Variants in SAMD12 observed in about 807,000 individuals in gnomAD.
The protein encoded by SAMD12 is sterile alpha motif domain containing 12.
In SAMD12, 9 loss-of-function variants were observed where a neutral mutation model predicts 15.0. The ratio of observed to expected loss-of-function variants is 0.60; its 90% CI spans 0.36 to 1.05. The LOEUF (loss-of-function observed/expected upper bound fraction) is 1.05, where lower values mean the gene tolerates loss of function less well. SAMD12 is among the 50% of genes least tolerant of loss of function. The probability of loss-of-function intolerance (pLI) is 0.01; values close to 1 mark genes in which losing one functional copy is unlikely to be tolerated. For missense variants in SAMD12, 230 were observed against 234.2 expected (o/e 0.98, Z 0.12); for synonymous variants, 86 against 90.1 (o/e 0.96, Z 0.25).
At chr8:118,336,410 T>A (rs780350462) in intron 4 of SAMD12, among the ~76,000 whole-genome samples, 1 of 152,224 alleles carries the variant, frequency 6.6e-6, no homozygotes, top group Non-Finnish European at 1.5e-5. Context: ...CATGATAGAA[T>A]TATCTTAATG....
chr8:118,613,905 G>C (rs532089654), intron 1 of SAMD12, among the ~76,000 whole-genome samples: 2 of 152,324 alleles, frequency 1.3e-5, no homozygotes, highest in Admixed American at 1.3e-4. Context: ...AATTATGTAA[G>C]TGATGAGTCT....
chr8:118,149,116 G>A, the SAMD12 span, among the ~76,000 whole-genome samples: 1 of 152,162 alleles, frequency 6.6e-6, no homozygotes, highest in African/African-American at 2.4e-5. Context: ...TTGAGACAAA[G>A]TCTTATTCTG....
At chr8:118,471,787 C>T (rs946660374) in intron 2 of SAMD12, among the ~76,000 whole-genome samples, 4 of 151,748 alleles carry the variant, frequency 2.6e-5, no homozygotes, top group Non-Finnish European at 5.9e-5. Context: ...TGGTGGTGAC[C>T]GTGGTGGTGA....
chr8:118,433,412 C>CTTTTTTTTT (rs67140443), intron 3 of SAMD12, among the ~76,000 whole-genome samples: 4 of 148,190 alleles, frequency 2.7e-5, no homozygotes, highest in Non-Finnish European at 1.5e-5. Flanking sequence ...TTGAAAGGGT[C>CTTTTTTTTT]TTTTTTTTTT....
At chr8:118,442,313 A>G (rs535056608) in intron 2 of SAMD12, among the ~76,000 whole-genome samples, 2 of 152,342 alleles carry the variant, frequency 1.3e-5, no homozygotes, top group South Asian at 4.1e-4. Context: ...ATTCACAGAC[A>G]TAGCTTGCTA....
intron 4 of SAMD12, among the ~76,000 whole-genome samples, chr8:118,219,283 A>G (rs926399448): frequency 1.3e-5 from 2 of 152,218 alleles, no homozygotes; most frequent in African/African-American, 4.8e-5. Flanking sequence ...TAGAGGAGAG[A>G]GACTATGCCC....
chr8:118,322,302 T>C (rs900345590), intron 4 of SAMD12, among the ~76,000 whole-genome samples: 1 of 152,242 alleles, frequency 6.6e-6, no homozygotes, highest in Non-Finnish European at 1.5e-5. Flanking sequence ...TCCATAGTGA[T>C]GGGGGCTGTG....
Position 118,549,600 on chromosome 8 carries a change from TG to T in SAMD12, c.192+31114del, listed in dbSNP as rs1248127898. 2.0e-4 allele frequency among the ~76,000 whole-genome samples: 31 copies of T among 152,164 alleles called. No homozygotes were observed. In the South Asian group the frequency reaches 2.3e-3, roughly 11 times the overall value. Reference sequence around the variant, plus strand: ...TGGGGAAAAAACAGAGCAGAAAAACTGGAAACTCTAAAAAGCAGAGCACCTC... The same window carrying T: ...TGGGGAAAAAACAGAGCAGAAAAACTGAAACTCTAAAAAGCAGAGCACCTC... On this transcript the variant is annotated intron_variant, in intron 2 of 3. Coordinates refer to ENST00000314727, the MANE Select transcript of SAMD12 (RefSeq NM_207506.3).
chr8:118,515,185 ATTTTTTT>A lies in SAMD12; in HGVS notation c.192+65523_192+65529del, dbSNP rs55864364. 7.7e-5 allele frequency among the ~76,000 whole-genome samples: 8 copies of A among 103,298 alleles called. No individual in the cohort carries two copies. The East Asian group carries it at 1.0e-3, about 13-fold the overall frequency. The allele number at this position is 103,298 out of a possible 152,430, so 67.8% of individuals were successfully genotyped here. A position where few individuals can be genotyped will look rare whatever the true frequency, so the allele number is the denominator to read the frequency against. On this transcript the variant is annotated intron_variant, in intron 2 of 3. Transcript: ENST00000314727. ...AGGCGCCCGCCACCACGCCCAGCTA[ATTTTTTT>A]TTTTTTTTTTTTTTGTATTTTCAGT...
At chr8:118,182,229 C>T in the SAMD12 span, among the ~76,000 whole-genome samples, 1 of 152,184 alleles carries the variant, frequency 6.6e-6, no homozygotes, top group Non-Finnish European at 1.5e-5. Context: ...GGTGATACAT[C>T]TACAACTTTT....
chr8:118,217,755 T>C (rs537902768), intron 4 of SAMD12, among the ~76,000 whole-genome samples: 2 of 152,292 alleles, frequency 1.3e-5, no homozygotes, highest in South Asian at 2.1e-4. Flanking sequence ...ATAAATTCAA[T>C]TGTACAAGGC....
intron 2 of SAMD12, among the ~76,000 whole-genome samples, chr8:118,469,400 T>C (rs73313495): frequency 0.016 from 2,267 of 138,212 alleles, 72 homozygotes; most frequent in African/African-American, 0.058. Flanking sequence ...GCAAAAACAA[T>C]GAAAATTTAA....
exon 5 of SAMD12, chr8:118,189,823 T>G (rs922991021): frequency 6.6e-6 from 1 of 151,738 alleles, no homozygotes; most frequent in African/African-American, 2.4e-5. Flanking sequence ...TCTAAACATC[T>G]TATGCCCTGG....
chr8:118,238,958 C>T (rs1216301587), intron 4 of SAMD12, among the ~76,000 whole-genome samples: 1 of 152,068 alleles, frequency 6.6e-6, no homozygotes, highest in East Asian at 1.9e-4. Flanking sequence ...TATGGTGGAG[C>T]AGGTCTTTTT....
intron 2 of SAMD12, among the ~76,000 whole-genome samples, chr8:118,563,770 G>T (rs977583534): frequency 2.8e-4 from 42 of 152,266 alleles, no homozygotes; most frequent in African/African-American, 8.7e-4. Flanking sequence ...GAACAGGTTG[G>T]ATTAGATGAT....
At chr8:118,461,557 T>G (rs1488499322) in intron 2 of SAMD12, among the ~76,000 whole-genome samples, 1 of 152,080 alleles carries the variant, frequency 6.6e-6, no homozygotes, top group African/African-American at 2.4e-5. Context: ...ACATTTTCTT[T>G]CCTTTGTATT....
chr8:118,353,159 T>A (rs1417801737), intron 4 of SAMD12, among the ~76,000 whole-genome samples: 1 of 151,468 alleles, frequency 6.6e-6, no homozygotes, highest in Non-Finnish European at 1.5e-5. Flanking sequence ...TGTGATGTTT[T>A]CATATGTTCA....
intron 2 of SAMD12, among the ~76,000 whole-genome samples, chr8:118,459,482 T>TA (rs1245451285): frequency 1.3e-5 from 2 of 152,204 alleles, no homozygotes; most frequent in African/African-American, 2.4e-5. Context: ...TGTTCTACTT[T>TA]AAAAAACTAC....
intron 3 of SAMD12, among the ~76,000 whole-genome samples, chr8:118,384,962 A>C (rs1219804905): frequency 6.6e-6 from 1 of 152,086 alleles, no homozygotes; most frequent in African/African-American, 2.4e-5. Flanking sequence ...CTCCTTGTAG[A>C]GGCTCGGGCC....
Sources: allele counts gnomAD v4.1 joint callset (sites outside exome capture counted in the v4.1 genomes callset), GRCh38; gene constraint gnomAD v4.1.1; transcripts MANE v1.5; gene names NCBI Gene and HGNC (gene_info 2026-07-23, HGNC 2026-07-21).